The following BTRC variants were observed in gnomAD, a reference collection of about 807,000 sequenced individuals.
BTRC encodes the protein F-box/WD repeat-containing protein 1A.
Under a neutral mutation model 85.5 loss-of-function variants are expected in BTRC, and 42 were observed. That is an observed-to-expected ratio of 0.49 (90% CI 0.38 to 0.64). BTRC has a LOEUF of 0.64. BTRC is among the 30% of genes least tolerant of loss of function. The probability of loss-of-function intolerance (pLI) is 0.00; values close to 1 mark genes in which losing one functional copy is unlikely to be tolerated. For synonymous variants in BTRC, 255 were observed against 263.3 expected (o/e 0.97, Z 0.30); for missense variants, 594 against 743.5 (o/e 0.80, Z 2.34).
intron 3 of BTRC, among the ~76,000 whole-genome samples, chr10:101,467,195 TAAAAA>T (rs35514260): frequency 6.8e-6 from 1 of 146,888 alleles, no homozygotes. Context: ...TTTCTTCCTT[TAAAAA>T]AAAAAAAAAC....
At chr10:101,445,029 C>A (rs1350221696) in intron 2 of BTRC, among the ~76,000 whole-genome samples, 1 of 152,146 alleles carries the variant, frequency 6.6e-6, no homozygotes, top group Non-Finnish European at 1.5e-5. Flanking sequence ...ATTGTGGTTA[C>A]AAATTTCTGG....
intron 1 of BTRC, among the ~76,000 whole-genome samples, chr10:101,426,688 A>G (rs1944260233): frequency 6.6e-6 from 1 of 152,228 alleles, no homozygotes; most frequent in Non-Finnish European, 1.5e-5. Flanking sequence ...GAGACAAATC[A>G]TTCACAAGAG....
At chr10:101,508,913 T>TAAAAAAAAAAAAAAAAAAAAAAAA (rs59998718) in intron 4 of BTRC, among the ~76,000 whole-genome samples, 5 of 101,952 alleles carry the variant, frequency 4.9e-5, no homozygotes, top group South Asian at 4.1e-4. Context: ...GACTCCATCT[T>TAAAAAAAAAAAAAAAAAAAAAAAA]AAAAAAAAAA....
chr10:101,415,016 T>C (rs1943890902), intron 1 of BTRC, among the ~76,000 whole-genome samples: 1 of 140,710 alleles, frequency 7.1e-6, no homozygotes, highest in African/African-American at 3.0e-5. Flanking sequence ...GTGCACAGAG[T>C]TTATTGGCCA....
At chr10:101,454,642 T>C (rs1945029204) in intron 2 of BTRC, among the ~76,000 whole-genome samples, 1 of 151,942 alleles carries the variant, frequency 6.6e-6, no homozygotes, top group African/African-American at 2.4e-5. Context: ...ATTAGCCTGG[T>C]GTAGTGGCGT....
At chr10:101,493,707 T>C (rs1056166661) in intron 4 of BTRC, among the ~76,000 whole-genome samples, 4 of 152,256 alleles carry the variant, frequency 2.6e-5, no homozygotes, top group African/African-American at 9.6e-5. Flanking sequence ...CTTGCACTTA[T>C]AGTATTTTCC....
At chr10:101,532,456 A>C (rs777911710) in intron 8 of BTRC, 24 bp downstream of exon 8, 1 of 1,588,466 alleles carries the variant, frequency 6.3e-7, no homozygotes, top group Non-Finnish European at 8.6e-7. Flanking sequence ...AGTTGTAGAA[A>C]GGTAGCAGAG....
At chr10:101,474,444 C>G (rs921133872) in intron 3 of BTRC, among the ~76,000 whole-genome samples, 1 of 152,212 alleles carries the variant, frequency 6.6e-6, no homozygotes, top group Non-Finnish European at 1.5e-5. Flanking sequence ...TCTTTCTCCC[C>G]CCATGAGCAG....
At chr10:101,414,421 G>A (rs776219067) in intron 1 of BTRC, among the ~76,000 whole-genome samples, 7 of 152,082 alleles carry the variant, frequency 4.6e-5, no homozygotes, top group Non-Finnish European at 8.8e-5. Context: ...TCATAAAAAA[G>A]TGTAGTACAT....
At chr10:101,431,663 A>G (rs1382566257) in intron 2 of BTRC, among the ~76,000 whole-genome samples, 2 of 152,304 alleles carry the variant, frequency 1.3e-5, no homozygotes, top group East Asian at 3.9e-4. Flanking sequence ...AAGAATTTCA[A>G]AGATAGGCTG....
Position 101,462,008 on chromosome 10 carries a change from A to T in BTRC, c.184A>T (p.Asn62Tyr). Residue 62 changes from asparagine to tyrosine, a missense_variant, in exon 3 of 15, where the codon AAT becomes TAT. Coordinates refer to ENST00000370187, the MANE Select transcript of BTRC (RefSeq NM_033637.4). ...QNSSEREDCNNGEPPRKIIPE... is the reference protein window; with the variant it reads ...QNSSEREDCNYGEPPRKIIPE... ...TTCCTCAGAGAGAGAAGACTGTAAT[A>T]ATGGCGAACCCCCTAGGAAGATAAT... 6.2e-7 allele frequency: 1 copy of T among 1,612,288 alleles called. No homozygotes were observed. The highest frequency in any genetic ancestry group is 1.1e-5 in the South Asian group (1 of 90,988).
chr10:101,401,636 C>T (rs9645544), intron 1 of BTRC, among the ~76,000 whole-genome samples: 54,842 of 151,702 alleles, frequency 0.36, 11,009 homozygotes, highest in Middle Eastern at 0.48. Context: ...ATTTATTATG[C>T]TGATACAAAT....
At chr10:101,509,297 C>G (rs1946631348) in intron 4 of BTRC, among the ~76,000 whole-genome samples, 1 of 131,526 alleles carries the variant, frequency 7.6e-6, no homozygotes, top group Admixed American at 8.4e-5. Context: ...CTCTGTCGCC[C>G]AGGCTGGAGT....
intron 4 of BTRC, among the ~76,000 whole-genome samples, chr10:101,519,815 G>A (rs1346919943): frequency 1.3e-5 from 2 of 152,106 alleles, no homozygotes; most frequent in African/African-American, 4.8e-5. Flanking sequence ...GACCAACATG[G>A]AGAAACCCCG....
rs1467066764 is a variant in BTRC, at chr10:101,455,340, A to G, written c.157-6641A>G. 3.3e-5 allele frequency among the ~76,000 whole-genome samples: 5 copies of G among 152,082 alleles called. No homozygotes were observed. In the East Asian group the frequency reaches 9.7e-4, roughly 29 times the overall value. On this transcript the variant is annotated intron_variant, in intron 2 of 14. Coordinates refer to ENST00000370187, the MANE Select transcript of BTRC (RefSeq NM_033637.4). Reference sequence around the variant, plus strand: ...CCGACAAGAAAACATTTTAAAATTCACATTATATTCTCTAGCTTTGTGCTG... The same window carrying G: ...CCGACAAGAAAACATTTTAAAATTCGCATTATATTCTCTAGCTTTGTGCTG...
chr10:101,456,259 CAAT>C (rs980512369), intron 2 of BTRC, among the ~76,000 whole-genome samples: 4 of 151,762 alleles, frequency 2.6e-5, no homozygotes, highest in African/African-American at 9.7e-5. Flanking sequence ...AAGGCTGTCT[CAAT>C]AGTAATAGCA....
chr10:101,551,882 C>G (rs962807286), intron 14 of BTRC, among the ~76,000 whole-genome samples: 1 of 152,176 alleles, frequency 6.6e-6, no homozygotes, highest in Non-Finnish European at 1.5e-5. Flanking sequence ...CAGCACTCAC[C>G]TCACGGAACC....
chr10:101,516,029 G>A (rs531284128), intron 4 of BTRC, among the ~76,000 whole-genome samples: 2 of 152,194 alleles, frequency 1.3e-5, no homozygotes, highest in Admixed American at 1.3e-4. Flanking sequence ...TTCACCTTGT[G>A]AAAATTAGTT....
Position 101,534,599 on chromosome 10 carries a change from G to A in BTRC, c.1098-62G>A, listed in dbSNP as rs187601239. 108 of 1,598,820 alleles carry A rather than the reference G, an allele frequency of 6.8e-5. 1 individual carries two copies. The African/African-American group carries it at 1.2e-3, about 18-fold the overall frequency. On this transcript the variant is annotated intron_variant, in intron 9 of 14. Coordinates refer to ENST00000370187, the MANE Select transcript of BTRC (RefSeq NM_033637.4). ...TATAAGGGGTGGAAGGGCGCATGAT[G>A]GTCAAATATAGGTAACAGATTGTAG...
Sources: gnomAD v4.1 joint callset for allele counts (sites outside exome capture counted in the v4.1 genomes callset) on GRCh38, gnomAD v4.1.1 for gene constraint, MANE v1.5 for transcripts, NCBI Gene and HGNC (gene_info 2026-07-23, HGNC 2026-07-21) for gene names.